The following RBFOX1 variants were observed in gnomAD, a reference collection of about 807,000 sequenced individuals.
The protein encoded by RBFOX1 is RNA binding fox-1 homolog 1.
RBFOX1 carries 8 observed loss-of-function variants against 57.7 expected under a neutral mutation model. The ratio of observed to expected loss-of-function variants is 0.14; its 90% CI spans 0.08 to 0.25. RBFOX1 has a LOEUF of 0.25. RBFOX1 is among the 10% of genes least tolerant of loss of function. The pLI, the probability that RBFOX1 is intolerant of heterozygous loss-of-function variation, is 1.00. For missense variants in RBFOX1, 611 were observed against 548.5 expected, an observed-to-expected ratio of 1.11 and a Z score of -1.14; for synonymous variants, 326 against 222.4, an observed-to-expected ratio of 1.47 and a Z score of -4.15.
At chr16:5,716,437 C>A (rs1344116344) in intron 3 of RBFOX1, among the ~76,000 whole-genome samples, 2 of 152,022 alleles carry the variant, frequency 1.3e-5, no homozygotes, top group African/African-American at 4.8e-5. Context: ...TCCATGTGTC[C>A]AACAATTGCA....
At chr16:6,128,498 C>G (rs1270011669) in intron 1 of RBFOX1, among the ~76,000 whole-genome samples, 2 of 152,194 alleles carry the variant, frequency 1.3e-5, no homozygotes, top group African/African-American at 2.4e-5. Context: ...CATGAAAGCT[C>G]TGGCTTTCTG....
chr16:7,172,781 A>G (rs142830195), intron 4 of RBFOX1, among the ~76,000 whole-genome samples: 2 of 152,242 alleles, frequency 1.3e-5, no homozygotes, highest in Admixed American at 6.5e-5. Flanking sequence ...TTTTAAAAGT[A>G]AAAGTTGGCT....
At chr16:6,800,691 C>T (rs113062892) in intron 3 of RBFOX1, among the ~76,000 whole-genome samples, 60 of 152,018 alleles carry the variant, frequency 3.9e-4, no homozygotes, top group African/African-American at 1.3e-3. Context: ...TGGAGTAGGC[C>T]CGTGGACGTT....
chr16:5,776,600 G>C (rs1457961015), intron 3 of RBFOX1, among the ~76,000 whole-genome samples: 1 of 152,228 alleles, frequency 6.6e-6, no homozygotes, highest in Admixed American at 6.5e-5. Flanking sequence ...TATGAAGAAC[G>C]AATGTGGCAT....
In RBFOX1 at chr16:6,877,332, C is replaced by A. The variant is rs970222758; in HGVS notation, c.-15-174725C>A. 2.6e-5 allele frequency among the ~76,000 whole-genome samples: 4 copies of A among 152,268 alleles called. No homozygotes were observed. In the South Asian group the frequency reaches 6.2e-4, roughly 24 times the overall value. On this transcript the variant is annotated intron_variant, in intron 3 of 15. Transcript: ENST00000550418. ...TATGTGTGCATCTGGCAGAGCTAAT[C>A]TTTACTTCCCTTTAGCAGAACACAA...
chr16:6,248,303 A>AT (rs572481732), intron 1 of RBFOX1, among the ~76,000 whole-genome samples: 95 of 152,194 alleles, frequency 6.2e-4, no homozygotes, highest in African/African-American at 2.1e-3. Flanking sequence ...GTGGCCTTGG[A>AT]TTTTCTTTGC....
At chr16:5,380,783 G>C (rs1219717973) in intron 1 of RBFOX1, among the ~76,000 whole-genome samples, 1 of 152,294 alleles carries the variant, frequency 6.6e-6, no homozygotes, top group East Asian at 1.9e-4. Flanking sequence ...AACCTTCAGC[G>C]CCTCTGTGAT....
intron 3 of RBFOX1, among the ~76,000 whole-genome samples, chr16:7,026,120 T>C (rs1490773146): frequency 6.6e-6 from 1 of 152,060 alleles, no homozygotes; most frequent in Non-Finnish European, 1.5e-5. Flanking sequence ...CAGGCCAGGG[T>C]GGAAATGGCA....
chr16:7,467,823 G>T (rs2060807778), intron 4 of RBFOX1, among the ~76,000 whole-genome samples: 1 of 152,176 alleles, frequency 6.6e-6, no homozygotes, highest in Non-Finnish European at 1.5e-5. Flanking sequence ...TCTTTACAGA[G>T]TCCTTCTTTG....
At chr16:6,639,054 A>C (rs1473850525) in intron 2 of RBFOX1, among the ~76,000 whole-genome samples, 1 of 152,224 alleles carries the variant, frequency 6.6e-6, no homozygotes, top group East Asian at 1.9e-4. Context: ...CCAGCCACCT[A>C]CAAAGCTTAG....
At chr16:7,294,905 A>G (rs1003865812) in intron 4 of RBFOX1, among the ~76,000 whole-genome samples, 4 of 152,208 alleles carry the variant, frequency 2.6e-5, no homozygotes, top group African/African-American at 7.2e-5. Context: ...CCTGTTTTCC[A>G]TCTCTTATTA....
At chr16:6,141,254 C>G (rs1342405282) in intron 1 of RBFOX1, among the ~76,000 whole-genome samples, 1 of 152,146 alleles carries the variant, frequency 6.6e-6, no homozygotes, top group Non-Finnish European at 1.5e-5. Context: ...CATATGTAAA[C>G]CCTTCTAATC....
At chr16:6,902,488 G>T (rs1180386026) in intron 3 of RBFOX1, among the ~76,000 whole-genome samples, 2 of 152,170 alleles carry the variant, frequency 1.3e-5, no homozygotes, top group African/African-American at 2.4e-5. Context: ...TTGAGAGGCA[G>T]GGTGGGGAGA....
At chr16:6,128,914 A>G (rs1204011980) in intron 1 of RBFOX1, among the ~76,000 whole-genome samples, 1 of 152,202 alleles carries the variant, frequency 6.6e-6, no homozygotes, top group East Asian at 1.9e-4. Flanking sequence ...CAGTTTCACT[A>G]GAATAAGACC....
chr16:6,113,430 C>A lies in RBFOX1; in HGVS notation c.-127+93438C>A, dbSNP rs74004757. Among the ~76,000 whole-genome samples the A allele has an allele frequency of 1.9e-3, 290 of 152,176 alleles. 4 individuals are homozygous for A. The highest frequency in any genetic ancestry group is 6.2e-3 in the African/African-American group (257 of 41,530). ...AAGTAAAGAGCCAGAAGAACCACAG[C>A]GACATAAAAGGAAATTTTTCTGGGT... On this transcript the variant is annotated intron_variant, in intron 1 of 15. Coordinates refer to ENST00000550418, the MANE Select transcript of RBFOX1 (RefSeq NM_018723.4).
intron 1 of RBFOX1, among the ~76,000 whole-genome samples, chr16:5,336,208 C>T (rs1361198468): frequency 6.6e-6 from 1 of 152,236 alleles, no homozygotes; most frequent in East Asian, 1.9e-4. Context: ...AGGTCTGCTG[C>T]TCTCTGTCAA....
intron 4 of RBFOX1, among the ~76,000 whole-genome samples, chr16:7,389,436 A>G (rs2097951144): frequency 6.6e-6 from 1 of 152,166 alleles, no homozygotes; most frequent in African/African-American, 2.4e-5. Context: ...AGATGTAACT[A>G]TTTAATGAAA....
chr16:6,981,968 A>G (rs574668002), intron 3 of RBFOX1, among the ~76,000 whole-genome samples: 3 of 152,340 alleles, frequency 2.0e-5, no homozygotes, highest in South Asian at 4.1e-4. Flanking sequence ...TGGCACATGA[A>G]AATACAAATA....
At chr16:6,272,183 A>T (rs1162381421) in intron 1 of RBFOX1, among the ~76,000 whole-genome samples, 1 of 152,212 alleles carries the variant, frequency 6.6e-6, no homozygotes, top group Non-Finnish European at 1.5e-5. Flanking sequence ...CAATAGGCTG[A>T]AGAGAAAAAT....
Sources: allele counts gnomAD v4.1 joint callset (sites outside exome capture counted in the v4.1 genomes callset), GRCh38; gene constraint gnomAD v4.1.1; transcripts MANE v1.5; gene names NCBI Gene and HGNC (gene_info 2026-07-23, HGNC 2026-07-21).